RALGAPA2: variants seen among roughly 807,000 people sequenced by gnomAD.
RALGAPA2 encodes the protein Ral GTPase activating protein catalytic subunit alpha 2, also known as ral GTPase-activating protein subunit alpha-2.
RALGAPA2 carries 139 observed loss-of-function variants against 230.4 expected under a neutral mutation model. That is an observed-to-expected ratio of 0.60 (90% CI 0.53 to 0.69). RALGAPA2 has a LOEUF of 0.69. Ranked by LOEUF, RALGAPA2 falls within the 30% of genes least tolerant of loss-of-function variation. The pLI is 0.00. For missense variants in RALGAPA2, 2,163 were observed against 2,276.0 expected (o/e 0.95, Z 1.01); for synonymous variants, 847 against 837.8 (o/e 1.01, Z -0.19).
In RALGAPA2 at chr20:20,464,390, AC is replaced by A. The variant is rs200248385; in HGVS notation, c.5495+8438del. Among the ~76,000 whole-genome samples, 554 of 152,278 alleles carry A rather than the reference AC, an allele frequency of 3.6e-3. 7 individuals are homozygous for A. Among genetic ancestry groups the A allele is most frequent in the African/African-American group, 0.013 (525 of 41,534 alleles). On this transcript the variant is annotated intron_variant, in intron 37 of 39. Coordinates refer to ENST00000202677, the MANE Select transcript of RALGAPA2 (RefSeq NM_020343.4). ...ATTTACATACAATTAAGAGTTAAAA[AC>A]AAAAAACCACAACTAGGTCCCTAGG... is the stretch of plus-strand genomic sequence containing the variant.
At position 20,571,506 on chromosome 20, in the gene RALGAPA2, C is replaced by G; in HGVS notation, c.3108G>C (p.Leu1036=). ...GGTGCATCACAAGGTAAAAATGCACCAGGAAATCTGAGTTTGGCAGAACGT... is the reference window on the plus strand; with the variant it reads ...GGTGCATCACAAGGTAAAAATGCACGAGGAAATCTGAGTTTGGCAGAACGT... ...RQDVLPNSDF[L]VHFYLVMHLG... is the part of the protein sequence containing the mutation. Residue 1036 remains leucine (L), a synonymous_variant, in exon 23 of 40, where the codon CTG becomes CTC. Coordinates refer to ENST00000202677, the MANE Select transcript of RALGAPA2 (RefSeq NM_020343.4). The G allele has an allele frequency of 3.1e-6, 5 of 1,612,834 alleles. No homozygotes were observed. Among genetic ancestry groups the G allele is most frequent in the Non-Finnish European group, 4.2e-6 (5 of 1,179,584 alleles).
chr20:20,535,926 C>T (rs1569468736), intron 25 of RALGAPA2, 123 bp from the exon 26 acceptor site: 1 of 1,380,406 alleles, frequency 7.2e-7, no homozygotes, highest in African/African-American at 1.5e-5. Flanking sequence ...GAGAGCTCAT[C>T]TATGAGTGAG....
At chr20:20,486,130 A>T (rs1443667743) in intron 36 of RALGAPA2, among the ~76,000 whole-genome samples, 1 of 152,102 alleles carries the variant, frequency 6.6e-6, no homozygotes, top group African/African-American at 2.4e-5. Flanking sequence ...ACAGACTGAC[A>T]GTCTGTTTCA....
At chr20:20,601,955 T>G (rs117509135) in intron 15 of RALGAPA2, 109 bp from the exon 16 acceptor site, 38,675 of 1,012,474 alleles carry the variant, frequency 0.038, 880 homozygotes, top group Middle Eastern at 0.064. Context: ...ATCAGCAGGT[T>G]TCCTTGTCAC....
At position 20,620,537 on chromosome 20, in the gene RALGAPA2, C is replaced by T; in HGVS notation, c.1327G>A (p.Glu443Lys). ...GCAACATCTTTTCTATCTGGCTCCT[C>T]CATGAACACAGGTTTGTCCTGGAGA... Reference protein sequence around the residue: ...WILQDKPVFMEEPDRKDVAQE... With the variant: ...WILQDKPVFMKEPDRKDVAQE... The change falls in exon 11 of 40, where the codon GAG becomes AAG. Residue 443 changes from glutamate to lysine, a missense_variant. Coordinates refer to ENST00000202677, the MANE Select transcript of RALGAPA2 (RefSeq NM_020343.4). 1 of 1,613,932 alleles carries T rather than the reference C, an allele frequency of 6.2e-7. No homozygotes were observed. The highest frequency in any genetic ancestry group is 1.1e-5 in the South Asian group (1 of 91,088).
intron 23 of RALGAPA2, among the ~76,000 whole-genome samples, chr20:20,554,423 G>A (rs6046929): frequency 1 from 151,559 of 152,294 alleles, 75,419 homozygotes; most frequent in Middle Eastern, 1. Flanking sequence ...CAGTTGATGG[G>A]CATTTAAGCT....
chr20:20,542,737 T>C (rs1196865258), intron 24 of RALGAPA2, among the ~76,000 whole-genome samples: 1 of 152,130 alleles, frequency 6.6e-6, no homozygotes, highest in Non-Finnish European at 1.5e-5. Flanking sequence ...ACCCCTTCTT[T>C]ACACCTTATA....
At chr20:20,689,565 C>A (rs1296482205) in intron 1 of RALGAPA2, among the ~76,000 whole-genome samples, 2 of 152,176 alleles carry the variant, frequency 1.3e-5, no homozygotes, top group Non-Finnish European at 2.9e-5. Context: ...TCACTTGAAC[C>A]CGGGAGGCGG....
At chr20:20,630,205 C>A (rs371783764) in intron 9 of RALGAPA2, among the ~76,000 whole-genome samples, 15 of 152,188 alleles carry the variant, frequency 9.9e-5, no homozygotes, top group African/African-American at 3.4e-4. Context: ...GTAATTCATG[C>A]AATCACTCAC....
At chr20:20,606,726 C>T (rs1030903777) in intron 14 of RALGAPA2, among the ~76,000 whole-genome samples, 5 of 152,192 alleles carry the variant, frequency 3.3e-5, no homozygotes, top group African/African-American at 1.2e-4. Context: ...CCTTCACAGT[C>T]TATTCACTTA....
At position 20,653,195 on chromosome 20, in the gene RALGAPA2, C is replaced by CAAAAAAA. The variant is rs60906434; in HGVS notation, c.328+328_328+334dup. Among the ~76,000 whole-genome samples the CAAAAAAA allele has an allele frequency of 1.3e-3, 35 of 27,522 alleles. 4 individuals are homozygous for CAAAAAAA. The East Asian group carries it at 0.022, about 18-fold the overall frequency. 18.1% of individuals were successfully genotyped at this position (27,522 alleles called of 152,430 possible). ...TAGGCGACAGAGCAAGACTCCATCT[C>CAAAAAAA]AAAAAAAAAAAAAAAAAAAAAAAAA... On this transcript the variant is annotated intron_variant, in intron 4 of 39. Coordinates refer to ENST00000202677, the MANE Select transcript of RALGAPA2 (RefSeq NM_020343.4).
intron 37 of RALGAPA2, among the ~76,000 whole-genome samples, chr20:20,458,029 T>C (rs1031041881): frequency 9.9e-5 from 15 of 152,158 alleles, no homozygotes; most frequent in Non-Finnish European, 2.1e-4. Context: ...ACTCACACTT[T>C]AGTCGCTGGC....
chr20:20,683,092 G>A (rs1005370660), intron 1 of RALGAPA2, among the ~76,000 whole-genome samples: 3 of 152,098 alleles, frequency 2.0e-5, no homozygotes, highest in Non-Finnish European at 4.4e-5. Flanking sequence ...CATCCACCCC[G>A]CTGCTCTGGC....
intron 37 of RALGAPA2, among the ~76,000 whole-genome samples, chr20:20,467,284 C>T (rs1429823007): frequency 6.6e-6 from 1 of 152,200 alleles, no homozygotes; most frequent in Non-Finnish European, 1.5e-5. Flanking sequence ...TTATAAAACA[C>T]ACAGTAAGTG....
intron 20 of RALGAPA2, 122 bp downstream of exon 20, chr20:20,582,928 C>G: frequency 9.7e-7 from 1 of 1,031,864 alleles, no homozygotes; most frequent in Non-Finnish European, 1.4e-6. Flanking sequence ...GGACAGTGGT[C>G]AGGAGCATGG....
At chr20:20,505,695 T>C (rs2062513062) in intron 33 of RALGAPA2, among the ~76,000 whole-genome samples, 161 bp from the exon 34 acceptor site, 2 of 152,184 alleles carry the variant, frequency 1.3e-5, no homozygotes, top group South Asian at 4.1e-4. Flanking sequence ...CATAGTCTCA[T>C]TTATTCTTCA....
rs2065658582 is a variant in RALGAPA2, at chr20:20,601,703, T to C, written c.2182A>G (p.Ile728Val). 2 of 1,612,182 alleles carry C rather than the reference T, an allele frequency of 1.2e-6. No homozygotes were observed. The highest frequency in any genetic ancestry group is 1.7e-6 in the Non-Finnish European group (2 of 1,179,340). Residue 728 changes from isoleucine to valine, a missense_variant, in exon 16 of 40, where the codon ATT becomes GTT. By Grantham distance (29) the Ile-to-Val change is conservative (BLOSUM62 3). Coordinates refer to ENST00000202677, the MANE Select transcript of RALGAPA2 (RefSeq NM_020343.4). ...TTACCAGTTGCTTTTTGGCGAACAA[T>C]ATTTCTTGCCTTTTCCACTCCCGGT... Reference protein sequence around the residue: ...GAPGVEKARNIVRQKATEVEE... With the variant: ...GAPGVEKARNVVRQKATEVEE...
At chr20:20,518,301 T>G (rs573907000) in intron 31 of RALGAPA2, among the ~76,000 whole-genome samples, 16 of 152,330 alleles carry the variant, frequency 1.1e-4, no homozygotes, top group African/African-American at 3.8e-4. Context: ...GTGATCCACC[T>G]GCCTTGGCCT....
At chr20:20,589,210 G>A (rs1435965417) in intron 18 of RALGAPA2, 58 bp downstream of exon 18, 4 of 1,490,218 alleles carry the variant, frequency 2.7e-6, no homozygotes, top group South Asian at 2.7e-5. Context: ...TTTACTTACT[G>A]AGCACTAATT....
Sources: gnomAD v4.1 joint callset for allele counts (sites outside exome capture counted in the v4.1 genomes callset) on GRCh38, gnomAD v4.1.1 for gene constraint, MANE v1.5 for transcripts, NCBI Gene and HGNC (gene_info 2026-07-23, HGNC 2026-07-21) for gene names.